Variants in CNTNAP5 observed in about 807,000 individuals in gnomAD.
CNTNAP5 encodes contactin-associated protein-like 5.
A neutral mutation model predicts 150.2 loss-of-function variants in CNTNAP5; 72 were observed. The ratio of observed to expected loss-of-function variants is 0.48; its 90% CI spans 0.40 to 0.58. The LOEUF (loss-of-function observed/expected upper bound fraction) is 0.58, where lower values mean the gene tolerates loss of function less well. Among genes scored for constraint, CNTNAP5 ranks in the 20% least tolerant of loss-of-function variants. CNTNAP5 has a pLI of 0.00. For missense variants in CNTNAP5, 1,636 were observed against 1,626.2 expected, an observed-to-expected ratio of 1.01 and a Z score of -0.10; for synonymous variants, 672 against 619.8, an observed-to-expected ratio of 1.08 and a Z score of -1.25.
At chr2:124,640,117 AAATAAT>A (rs1173816896) in intron 12 of CNTNAP5, among the ~76,000 whole-genome samples, 1 of 152,062 alleles carries the variant, frequency 6.6e-6, no homozygotes, top group Non-Finnish European at 1.5e-5. Flanking sequence ...TGTCTAAATT[AAATAAT>A]AATAATAAAC....
At chr2:124,801,100 T>C (rs1182759680) in intron 19 of CNTNAP5, among the ~76,000 whole-genome samples, 1 of 152,168 alleles carries the variant, frequency 6.6e-6, no homozygotes, top group Non-Finnish European at 1.5e-5. Flanking sequence ...AAAGATACCC[T>C]GATTTAGAAT....
intron 14 of CNTNAP5, among the ~76,000 whole-genome samples, chr2:124,749,512 C>T (rs1680676577): frequency 6.6e-6 from 1 of 152,058 alleles, no homozygotes; most frequent in South Asian, 2.1e-4. Flanking sequence ...GCAACCTCTG[C>T]TTCCAGGGTT....
At chr2:124,124,940 T>C (rs1332037466) in intron 1 of CNTNAP5, among the ~76,000 whole-genome samples, 1 of 152,144 alleles carries the variant, frequency 6.6e-6, no homozygotes, top group Non-Finnish European at 1.5e-5. Context: ...GAACAACCAG[T>C]ATGAGCCACT....
chr2:124,434,335 G>C (rs1280329605), intron 4 of CNTNAP5, 149 bp from the exon 5 acceptor site: 1 of 642,066 alleles, frequency 1.6e-6, no homozygotes, highest in African/African-American at 1.8e-5. Flanking sequence ...AATTAGGGTG[G>C]TTCTAGTCTA....
intron 10 of CNTNAP5, among the ~76,000 whole-genome samples, chr2:124,553,941 T>C (rs1426004592): frequency 6.6e-6 from 1 of 152,086 alleles, no homozygotes; most frequent in Non-Finnish European, 1.5e-5. Context: ...AAGAACAGAA[T>C]TGTGAGCCAA....
At chr2:124,457,085 AG>A (rs1451898108) in intron 6 of CNTNAP5, among the ~76,000 whole-genome samples, 1 of 152,246 alleles carries the variant, frequency 6.6e-6, no homozygotes, top group African/African-American at 2.4e-5. Flanking sequence ...TAAACTAAAC[AG>A]CTTTTGCACA....
Position 124,675,985 on chromosome 2 carries a change from T to C in CNTNAP5, c.2077+28027T>C, listed in dbSNP as rs575927122. 2.6e-5 allele frequency among the ~76,000 whole-genome samples: 4 copies of C among 152,340 alleles called. No homozygotes were observed. In the South Asian group the frequency reaches 8.3e-4, roughly 32 times the overall value. On this transcript the variant is annotated intron_variant, in intron 13 of 23. Transcript: ENST00000682447. The stretch of plus-strand genomic sequence containing the variant: ...ATAATATAATGTGGAAATTCTGAAA[T>C]ACAGATACAGGTTTGTTTTCTGTTG...
At chr2:124,184,025 G>A (rs1288638953) in intron 1 of CNTNAP5, among the ~76,000 whole-genome samples, 1 of 152,202 alleles carries the variant, frequency 6.6e-6, no homozygotes, top group Non-Finnish European at 1.5e-5. Flanking sequence ...AAGACATTTA[G>A]AGGATTCCAG....
chr2:124,228,351 T>C (rs1573851957), intron 2 of CNTNAP5, among the ~76,000 whole-genome samples: 1 of 152,170 alleles, frequency 6.6e-6, no homozygotes, highest in South Asian at 2.1e-4. Flanking sequence ...CTGATTCAAA[T>C]GCCAATATTT....
intron 3 of CNTNAP5, among the ~76,000 whole-genome samples, chr2:124,353,724 T>C (rs1689930425): frequency 6.6e-6 from 1 of 152,106 alleles, no homozygotes; most frequent in Non-Finnish European, 1.5e-5. Flanking sequence ...AATCCAGAAG[T>C]GGAACATTCC....
chr2:124,858,141 G>A (rs1001717005), intron 19 of CNTNAP5, among the ~76,000 whole-genome samples: 2 of 152,110 alleles, frequency 1.3e-5, no homozygotes, highest in Non-Finnish European at 2.9e-5. Flanking sequence ...TTGAAAACTG[G>A]CACAAGACTG....
intron 7 of CNTNAP5, among the ~76,000 whole-genome samples, chr2:124,492,689 T>TCTTATTACTCGAATAAGAATAACAATAA (rs1268924583): frequency 6.6e-6 from 1 of 152,180 alleles, no homozygotes; most frequent in Non-Finnish European, 1.5e-5. Context: ...GTAACAATAT[T>TCTTATTACTCGAATAAGAATAACAATAA]TATTCTTATT....
chr2:124,122,087 C>T (rs150585789), intron 1 of CNTNAP5, among the ~76,000 whole-genome samples: 189 of 152,230 alleles, frequency 1.2e-3, no homozygotes, highest in African/African-American at 4.2e-3. Context: ...GATGGGATTA[C>T]GTGGTGGGCC....
At chr2:124,783,735 T>G (rs1398688020) in intron 17 of CNTNAP5, among the ~76,000 whole-genome samples, 4 of 152,172 alleles carry the variant, frequency 2.6e-5, no homozygotes, top group Admixed American at 2.6e-4. Context: ...TGTAGAAGGT[T>G]TGATATTAAA....
At chr2:124,504,669 A>T in intron 8 of CNTNAP5, 113 bp downstream of exon 8, 6 of 888,828 alleles carry the variant, frequency 6.8e-6, no homozygotes, top group South Asian at 3.6e-5. Flanking sequence ...TTAGCCCAGT[A>T]TTCACAAATG....
At chr2:124,318,443 C>T (rs1021800668) in intron 3 of CNTNAP5, among the ~76,000 whole-genome samples, 4 of 152,124 alleles carry the variant, frequency 2.6e-5, no homozygotes, top group Admixed American at 2.6e-4. Flanking sequence ...GAATCTGTCT[C>T]ACATTTCAGG....
chr2:124,524,597 C>T (rs984428293), intron 9 of CNTNAP5, 145 bp downstream of exon 9: 1 of 737,388 alleles, frequency 1.4e-6, no homozygotes, highest in South Asian at 1.9e-5. Context: ...TACACACACA[C>T]CCTCAATCTC....
At chr2:124,166,817 A>C (rs566507350) in intron 1 of CNTNAP5, among the ~76,000 whole-genome samples, 1 of 152,196 alleles carries the variant, frequency 6.6e-6, no homozygotes, top group East Asian at 1.9e-4. Flanking sequence ...GCAGAATCCA[A>C]GAAGTCCCCA....
chr2:124,490,043 G>A (rs1343536725), intron 7 of CNTNAP5, among the ~76,000 whole-genome samples: 1 of 152,250 alleles, frequency 6.6e-6, no homozygotes, highest in East Asian at 1.9e-4. Flanking sequence ...CAGGCAGAGT[G>A]CAGTGGCTTA....
Sources: allele counts gnomAD v4.1 joint callset (sites outside exome capture counted in the v4.1 genomes callset), GRCh38; gene constraint gnomAD v4.1.1; transcripts MANE v1.5; gene names NCBI Gene and HGNC (gene_info 2026-07-23, HGNC 2026-07-21).